Variants in FAM83F observed in about 807,000 individuals in gnomAD.
FAM83F encodes the protein protein FAM83F.
FAM83F carries 45 observed loss-of-function variants against 42.9 expected under a neutral mutation model. The observed-to-expected ratio is 1.05, with a 90% CI of 0.83 to 1.35. The LOEUF is 1.35. Ranked by LOEUF, FAM83F falls within the 40% of genes most tolerant of loss-of-function variation. The pLI, the probability that FAM83F is intolerant of heterozygous loss-of-function variation, is 0.00. For synonymous variants in FAM83F, 306 were observed against 298.3 expected (o/e 1.03, Z -0.27); for missense variants, 617 against 695.9 (o/e 0.89, Z 1.28).
chr22:40,038,857 C>G lies in FAM83F; in HGVS notation c.*9292C>G, dbSNP rs1175684112. The G allele has an allele frequency of 6.6e-6, 1 of 152,278 alleles. No homozygotes were observed. Among genetic ancestry groups the G allele is most frequent in the African/African-American group, 2.4e-5 (1 of 41,462 alleles). The allele number at this position is 152,278 out of a possible 1,614,324, so 9.4% of individuals were successfully genotyped here. On this transcript the variant is annotated 3_prime_UTR_variant, in exon 5 of 5. Transcript: ENST00000333407. ...CCTGCACCCGTGAGTCTCACAACAG[C>G]CCCAACAGGCAAGTGTTATTTTCCT...
chr22:39,995,563 G>A lies in FAM83F; in HGVS notation c.489+32G>A, dbSNP rs1169285804. The A allele has an allele frequency of 6.6e-7, 1 of 1,516,246 alleles. No homozygotes were observed. Among genetic ancestry groups the A allele is most frequent in the Non-Finnish European group, 8.9e-7 (1 of 1,125,468 alleles). 93.9% of individuals were successfully genotyped at this position (1,516,246 alleles called of 1,614,324 possible). A position where few individuals can be genotyped will look rare whatever the true frequency, so the allele number is the denominator to read the frequency against. On this transcript the variant is annotated intron_variant, in intron 1 of 4. Coordinates refer to ENST00000333407, the MANE Select transcript of FAM83F (RefSeq NM_138435.4). This position sits in a 1 kb window ranked among gnomAD's most constrained non-coding sequence, Gnocchi z 4.6. ...CCCCGCCTTCGCCCCCACACCGCTGGGACCTCGGCCCCAGTCCCCTGGACC... is the reference window on the plus strand; with the variant it reads ...CCCCGCCTTCGCCCCCACACCGCTGAGACCTCGGCCCCAGTCCCCTGGACC...
Position 40,038,578 on chromosome 22 carries a change from A to AG in FAM83F, c.*9018dup, listed in dbSNP as rs1320052953. ...GCCAGCGAGTGCTCCTAAGGCAGGG[A>AG]GGGGGCTGCCTTCACTATGGGTGCT... is the stretch of plus-strand genomic sequence containing the variant. On this transcript the variant is annotated 3_prime_UTR_variant, in exon 5 of 5. Transcript: ENST00000333407. 6.6e-6 allele frequency: 1 copy of AG among 152,226 alleles called. No homozygotes were observed. The highest frequency in any genetic ancestry group is 2.4e-5 in the African/African-American group (1 of 41,424). The allele number at this position is 152,226 out of a possible 1,614,324, so 9.4% of individuals were successfully genotyped here.
At chr22:40,029,445 T>C in intron 4 of FAM83F, 71 bp from the exon 5 acceptor site, 2 of 1,546,758 alleles carry the variant, frequency 1.3e-6, no homozygotes, top group Non-Finnish European at 1.8e-6. Context: ...GCACACAGGG[T>C]AGGAACTGAA....
chr22:40,005,387 T>C (rs1267886216), intron 1 of FAM83F, among the ~76,000 whole-genome samples: 1 of 152,236 alleles, frequency 6.6e-6, no homozygotes, highest in Non-Finnish European at 1.5e-5. Context: ...TTGCATTAGA[T>C]AATTTTCACT....
intron 1 of FAM83F, among the ~76,000 whole-genome samples, chr22:40,004,531 G>C (rs2030334574): frequency 6.6e-6 from 1 of 152,056 alleles, no homozygotes; most frequent in African/African-American, 2.4e-5. Flanking sequence ...TTGAACTCCT[G>C]ACTTCAGGTG....
intron 1 of FAM83F, among the ~76,000 whole-genome samples, chr22:40,006,085 T>A (rs1279024859): frequency 2.6e-5 from 4 of 152,166 alleles, no homozygotes; most frequent in Non-Finnish European, 5.9e-5. Context: ...ACTGAAAATA[T>A]AAAAATTACT....
chr22:40,003,017 CT>C (rs1381319760), intron 1 of FAM83F, among the ~76,000 whole-genome samples: 1 of 152,152 alleles, frequency 6.6e-6, no homozygotes, highest in African/African-American at 2.4e-5. Context: ...GGCAGTTGCC[CT>C]TGGGAATTGT....
chr22:40,001,448 GGGCAACAT>G (rs1340399905), intron 1 of FAM83F, among the ~76,000 whole-genome samples: 2 of 152,110 alleles, frequency 1.3e-5, no homozygotes, highest in East Asian at 3.9e-4. Context: ...AGACCAGCCT[GGGCAACAT>G]GGCAAATCCC....
At chr22:40,004,397 G>A (rs1015289775) in intron 1 of FAM83F, among the ~76,000 whole-genome samples, 2 of 151,890 alleles carry the variant, frequency 1.3e-5, no homozygotes, top group African/African-American at 4.8e-5. Context: ...CTGCCTACTG[G>A]GTTCAAGCGA....
At chr22:40,010,691 T>A (rs1183180616) in intron 1 of FAM83F, among the ~76,000 whole-genome samples, 2 of 152,108 alleles carry the variant, frequency 1.3e-5, no homozygotes, top group African/African-American at 4.8e-5. Flanking sequence ...GCGACATGAG[T>A]CCACTCTAAA....
rs1396368231 is a variant in FAM83F at position 40,022,244 on chromosome 22, A to G, written c.1453+281A>G. Among the ~76,000 whole-genome samples, 3 of 152,220 alleles carry G rather than the reference A, an allele frequency of 2.0e-5. No homozygotes were observed. The East Asian group carries it at 5.8e-4, about 29-fold the overall frequency. On this transcript the variant is annotated intron_variant, in intron 4 of 4. Transcript: ENST00000333407. ...CAGGCTTGGCATGGAGGGGTCTCAGAGCTTCTAATGCTACTGCTAGAAGGC... is the reference window on the plus strand; with the variant it reads ...CAGGCTTGGCATGGAGGGGTCTCAGGGCTTCTAATGCTACTGCTAGAAGGC...
intron 1 of FAM83F, among the ~76,000 whole-genome samples, chr22:40,010,722 A>G (rs533073953): frequency 6.6e-6 from 1 of 152,252 alleles, no homozygotes; most frequent in Non-Finnish European, 1.5e-5. Flanking sequence ...TGGAGTGTTC[A>G]GAAATGAGAG....
intron 1 of FAM83F, among the ~76,000 whole-genome samples, chr22:39,999,540 TGCGTAAG>T (rs1191059076): frequency 7.2e-5 from 11 of 152,330 alleles, no homozygotes; most frequent in African/African-American, 2.6e-4. Context: ...CCTCAATAGC[TGCGTAAG>T]GCAGGGTCTT....
In FAM83F at chr22:40,021,425, C is replaced by T. The variant is rs756046306; in HGVS notation, c.915C>T (p.Ser305=). The T allele has an allele frequency of 3.7e-6, 6 of 1,613,528 alleles. No individual in the cohort carries two copies. The highest frequency in any genetic ancestry group is 5.1e-6 in the Non-Finnish European group (6 of 1,179,740). Residue 305 remains serine (S), a synonymous_variant, in exon 4 of 5, where the codon AGC becomes AGT. Coordinates refer to ENST00000333407, the MANE Select transcript of FAM83F (RefSeq NM_138435.4). The surrounding 1 kb of genome is among the most constrained non-coding windows in gnomAD (Gnocchi z 8.7). ...SEEVDLYRQL[S]LAGRVGLHYS... is the part of the protein sequence containing the mutation. ...AGGTGGACTTGTACCGGCAGCTGAGCCTGGCGGGCAGGGTTGGCCTCCATT... is the reference window on the plus strand; with the variant it reads ...AGGTGGACTTGTACCGGCAGCTGAGTCTGGCGGGCAGGGTTGGCCTCCATT...
intron 4 of FAM83F, among the ~76,000 whole-genome samples, chr22:40,026,118 G>A (rs541280127): frequency 1.4e-4 from 21 of 152,318 alleles, no homozygotes; most frequent in South Asian, 4.1e-4. Context: ...CCCTGTGTCC[G>A]TGGCTGCCCA....
At position 39,995,611 on chromosome 22, in the gene FAM83F, C is replaced by A; in HGVS notation, c.489+80C>A. On this transcript the variant is annotated intron_variant, in intron 1 of 4. Transcript: ENST00000333407. This position sits in a 1 kb window ranked among gnomAD's most constrained non-coding sequence, Gnocchi z 4.6. ...ACCGGGCCCCACCTCCCAGGCAGGG[C>A]CCGGGGCAGGCCGCCCTGAGCACCC... The A allele has an allele frequency of 6.9e-7, 1 of 1,446,232 alleles. No individual in the cohort carries two copies. Among genetic ancestry groups the A allele is most frequent in the South Asian group, 1.4e-5 (1 of 69,712 alleles). 89.6% of individuals were successfully genotyped at this position (1,446,232 alleles called of 1,614,324 possible). A position where few individuals can be genotyped will look rare whatever the true frequency, so the allele number is the denominator to read the frequency against.
rs961460584 is a variant in FAM83F, at chr22:40,039,867, G to A, written c.*10302G>A. On this transcript the variant is annotated 3_prime_UTR_variant, in exon 5 of 5. Transcript: ENST00000333407. ...TCTCTTGGATCTTGGCCACAAAAAGGTTATAGATGAGCTTAGAGAAATGAA... is the reference window on the plus strand; with the variant it reads ...TCTCTTGGATCTTGGCCACAAAAAGATTATAGATGAGCTTAGAGAAATGAA... 5 of 152,258 alleles carry A rather than the reference G, an allele frequency of 3.3e-5. No homozygotes were observed. Among genetic ancestry groups the A allele is most frequent in the Non-Finnish European group, 5.9e-5 (4 of 68,050 alleles). 9.4% of individuals were successfully genotyped at this position (152,258 alleles called of 1,614,324 possible). A position where few individuals can be genotyped will look rare whatever the true frequency, so the allele number is the denominator to read the frequency against.
intron 1 of FAM83F, among the ~76,000 whole-genome samples, chr22:40,008,202 A>G (rs2067446009): frequency 6.6e-6 from 1 of 152,194 alleles, no homozygotes; most frequent in African/African-American, 2.4e-5. Flanking sequence ...CCTGCTGGGC[A>G]CGGCATTGAG....
chr22:40,006,257 T>A, intron 1 of FAM83F, among the ~76,000 whole-genome samples: 1 of 148,788 alleles, frequency 6.7e-6, no homozygotes. Flanking sequence ...AAAAAAAAGA[T>A]GCTATTGCAG....
Sources: allele counts gnomAD v4.1 joint callset (sites outside exome capture counted in the v4.1 genomes callset), GRCh38; gene constraint gnomAD v4.1.1; non-coding constraint Gnocchi (gnomAD v3.1); transcripts MANE v1.5; gene names NCBI Gene and HGNC (gene_info 2026-07-23, HGNC 2026-07-21).